Variants in PPP4R2 observed in about 807,000 individuals in gnomAD.
The protein encoded by PPP4R2 is serine/threonine-protein phosphatase 4 regulatory subunit 2.
In PPP4R2, 13 loss-of-function variants were observed where a neutral mutation model predicts 47.2. The ratio of observed to expected loss-of-function variants is 0.28; its 90% CI spans 0.18 to 0.44. PPP4R2 has a LOEUF of 0.44. Ranked by LOEUF, PPP4R2 falls within the 20% of genes least tolerant of loss-of-function variation. PPP4R2 has a pLI of 1.00. For synonymous variants in PPP4R2, 151 were observed against 163.3 expected (o/e 0.92, Z 0.57); for missense variants, 421 against 491.2 (o/e 0.86, Z 1.35).
At chr3:73,034,767 A>C (rs375389311) in intron 2 of PPP4R2, among the ~76,000 whole-genome samples, 4 of 152,118 alleles carry the variant, frequency 2.6e-5, no homozygotes, top group African/African-American at 9.7e-5. Context: ...TCCTGGGCTC[A>C]AGCAGTCTTC....
chr3:73,003,148 TAGCCC>T (rs1701515482), intron 2 of PPP4R2, among the ~76,000 whole-genome samples: 1 of 152,000 alleles, frequency 6.6e-6, no homozygotes, highest in Non-Finnish European at 1.5e-5. Flanking sequence ...TCTCTATTTC[TAGCCC>T]CCATTTAAAA....
intron 2 of PPP4R2, among the ~76,000 whole-genome samples, chr3:73,012,803 G>C (rs939348864): frequency 6.6e-6 from 1 of 151,968 alleles, no homozygotes; most frequent in African/African-American, 2.4e-5. Flanking sequence ...GTTTCAAAGA[G>C]ATTTGTTAAC....
intron 3 of PPP4R2, among the ~76,000 whole-genome samples, chr3:73,050,108 T>C (rs566159769): frequency 6.6e-6 from 1 of 151,748 alleles, no homozygotes; most frequent in South Asian, 2.1e-4. Context: ...CCCAGCTATG[T>C]TTTTTTTGTT....
rs935434875 is a variant in PPP4R2 at position 73,047,115 on chromosome 3, A to C, written c.117-71A>C. On this transcript the variant is annotated intron_variant, in intron 2 of 8. Coordinates refer to ENST00000356692, the MANE Select transcript of PPP4R2 (RefSeq NM_174907.4). The stretch of plus-strand genomic sequence containing the variant: ...TAGTATTAGTGTCATAGTATATTTT[A>C]TATTTGTGTTTTGTGTTCAAGAATT... 25 of 850,626 alleles carry C rather than the reference A, an allele frequency of 2.9e-5. No homozygotes were observed. The South Asian group carries it at 4.3e-4, about 15-fold the overall frequency. 52.7% of individuals were successfully genotyped at this position (850,626 alleles called of 1,614,324 possible). A position where few individuals can be genotyped will look rare whatever the true frequency, so the allele number is the denominator to read the frequency against.
At position 73,065,547 on chromosome 3, in the gene PPP4R2, A is replaced by G; in HGVS notation, c.1079A>G (p.His360Arg). 6.2e-7 allele frequency: 1 copy of G among 1,612,856 alleles called. No homozygotes were observed. Among genetic ancestry groups the G allele is most frequent in the East Asian group, 2.2e-5 (1 of 44,864 alleles). Residue 360 changes from histidine (H) to arginine (R), a missense_variant, in exon 9 of 9, where the codon CAT becomes CGT. Coordinates refer to ENST00000356692, the MANE Select transcript of PPP4R2 (RefSeq NM_174907.4). ...TCTCAAGCTGAGAAAGATTTGCTAC[A>G]TTCTGAAGGTAGTGAAAACGAAGGC... ...DVSQAEKDLL[H>R]SEGSENEGPV... is the part of the protein sequence containing the mutation.
At chr3:73,018,314 C>G (rs909846548) in intron 2 of PPP4R2, among the ~76,000 whole-genome samples, 16 of 151,078 alleles carry the variant, frequency 1.1e-4, no homozygotes, top group Non-Finnish European at 2.4e-4. Context: ...ACAGGGTTGA[C>G]AGCGGGATTT....
chr3:72,997,099 C>T lies in PPP4R2; in HGVS notation c.34+28C>T, dbSNP rs574074359. The T allele has an allele frequency of 1.0e-5, 14 of 1,342,546 alleles. No homozygotes were observed. The Admixed American group carries it at 1.3e-4, about 12-fold the overall frequency. 83.2% of individuals were successfully genotyped at this position (1,342,546 alleles called of 1,614,324 possible). A position where few individuals can be genotyped will look rare whatever the true frequency, so the allele number is the denominator to read the frequency against. On this transcript the variant is annotated intron_variant, in intron 1 of 8. Transcript: ENST00000356692. ...GGGGGTAGCTGCCCCCTCTCCATTC[C>T]CCCTCACCTTCTCCGGCTCGCTCTT...
chr3:73,029,741 T>G (rs139681767), intron 2 of PPP4R2, among the ~76,000 whole-genome samples: 289 of 152,166 alleles, frequency 1.9e-3, no homozygotes, highest in African/African-American at 6.4e-3. Flanking sequence ...GATCACCAAG[T>G]GTAGATAGAA....
intron 2 of PPP4R2, chr3:73,014,939 A>C: frequency 2.9e-6 from 2 of 693,582 alleles, no homozygotes; most frequent in Non-Finnish European, 5.3e-6. Context: ...CCTGGCCTCA[A>C]GTGATCCACC....
At position 73,065,583 on chromosome 3, in the gene PPP4R2, G is replaced by A. The variant is rs573350882; in HGVS notation, c.1115G>A (p.Ser372Asn). Residue 372 changes from serine to asparagine, a missense_variant, in exon 9 of 9, where the codon AGT becomes AAT. By Grantham distance (46) the Ser-to-Asn change is conservative (BLOSUM62 1). Coordinates refer to ENST00000356692, the MANE Select transcript of PPP4R2 (RefSeq NM_174907.4). ...AGTGAAAACGAAGGCCCTGTAAGTA[G>A]TAGTTCTTCTGACTGCCGTGAAACA... ...EGSENEGPVS[S>N]SSSDCRETEE... 6.2e-7 allele frequency: 1 copy of A among 1,613,702 alleles called. No individual in the cohort carries two copies. The highest frequency in any genetic ancestry group is 2.2e-5 in the East Asian group (1 of 44,860).
intron 5 of PPP4R2, chr3:73,062,904 C>T: frequency 6.2e-7 from 1 of 1,608,686 alleles, no homozygotes; most frequent in South Asian, 1.1e-5. Flanking sequence ...AAGTTAGTTG[C>T]CAAGAAAGCA....
chr3:73,005,409 A>T (rs932947866), intron 2 of PPP4R2, among the ~76,000 whole-genome samples: 2 of 151,560 alleles, frequency 1.3e-5, no homozygotes, highest in Non-Finnish European at 2.9e-5. Flanking sequence ...TTAAATTTTT[A>T]AAAAATATTA....
rs1458340968 is a variant in PPP4R2, at chr3:73,008,389, G to C, written c.116+10231G>C. Among the ~76,000 whole-genome samples the C allele has an allele frequency of 5.3e-5, 8 of 152,292 alleles. No homozygotes were observed. In the South Asian group the frequency reaches 1.7e-3, roughly 32 times the overall value. ...TCATGTAAACCTGAATGGTACACTG[G>C]AAGTTAGGCACGCCAACTTTCTGAG... On this transcript the variant is annotated intron_variant, in intron 2 of 8. Transcript: ENST00000356692.
intron 2 of PPP4R2, among the ~76,000 whole-genome samples, chr3:73,042,768 C>CAT (rs1702405402): frequency 6.6e-6 from 1 of 152,030 alleles, no homozygotes; most frequent in African/African-American, 2.4e-5. Context: ...ATGCCCTCCC[C>CAT]ATATATATAT....
chr3:73,004,348 T>C (rs1014708971), intron 2 of PPP4R2, among the ~76,000 whole-genome samples: 1 of 152,244 alleles, frequency 6.6e-6, no homozygotes, highest in African/African-American at 2.4e-5. Flanking sequence ...GCATGTGCCC[T>C]TTAATCTTGA....
At chr3:73,026,719 C>T (rs1339591352) in intron 2 of PPP4R2, among the ~76,000 whole-genome samples, 2 of 151,888 alleles carry the variant, frequency 1.3e-5, no homozygotes, top group Non-Finnish European at 1.5e-5. Flanking sequence ...TTAAAAAAAG[C>T]ACATCAGCTA....
chr3:73,035,707 C>G (rs1272640798), intron 2 of PPP4R2, among the ~76,000 whole-genome samples: 1 of 152,088 alleles, frequency 6.6e-6, no homozygotes, highest in Non-Finnish European at 1.5e-5. Context: ...TCACTGCAAC[C>G]TCTGCCTCCT....
chr3:73,019,018 A>G (rs1384334971), intron 2 of PPP4R2, among the ~76,000 whole-genome samples: 3 of 150,534 alleles, frequency 2.0e-5, no homozygotes, highest in African/African-American at 7.5e-5. Context: ...AGATAAATGA[A>G]TAGAGATATG....
chr3:73,045,135 A>G (rs1336836241), intron 2 of PPP4R2, among the ~76,000 whole-genome samples: 3 of 152,190 alleles, frequency 2.0e-5, no homozygotes, highest in Non-Finnish European at 2.9e-5. Flanking sequence ...CTGGGACTAC[A>G]GGTGCATACC....
Sources: gnomAD v4.1 joint callset for allele counts (sites outside exome capture counted in the v4.1 genomes callset) on GRCh38, gnomAD v4.1.1 for gene constraint, MANE v1.5 for transcripts, NCBI Gene and HGNC (gene_info 2026-07-23, HGNC 2026-07-21) for gene names.